HMGCLL1: variants seen among roughly 807,000 people sequenced by gnomAD.
The protein encoded by HMGCLL1 is 3-hydroxy-3-methylglutaryl-CoA lyase like 1, also known as 3-hydroxymethyl-3-methylglutaryl-CoA lyase, cytoplasmic.
Under a neutral mutation model 39.1 loss-of-function variants are expected in HMGCLL1, and 36 were observed. The observed-to-expected ratio is 0.92, with a 90% confidence interval of 0.71 to 1.22. The LOEUF is 1.22. Among genes scored for constraint, HMGCLL1 ranks in the 50% most tolerant of loss-of-function variants. The pLI is 0.00. For missense variants in HMGCLL1, 451 were observed against 416.5 expected, an observed-to-expected ratio of 1.08 and a Z score of -0.72; for synonymous variants, 149 against 144.0, an observed-to-expected ratio of 1.03 and a Z score of -0.25.
the HMGCLL1 span, among the ~76,000 whole-genome samples, chr6:55,626,470 G>A: frequency 1.3e-5 from 2 of 152,048 alleles, no homozygotes; most frequent in African/African-American, 4.8e-5. Flanking sequence ...CAATTATAAT[G>A]CCAACTAGGT....
the HMGCLL1 span, among the ~76,000 whole-genome samples, chr6:55,586,880 G>C: frequency 6.6e-6 from 1 of 152,044 alleles, no homozygotes; most frequent in Non-Finnish European, 1.5e-5. Context: ...CTTTATAGCA[G>C]CATGATTTAT....
the HMGCLL1 span, among the ~76,000 whole-genome samples, chr6:55,655,536 G>GTAGATAGA: frequency 0.59 from 86,591 of 147,428 alleles, 25,621 homozygotes; most frequent in Middle Eastern, 0.64. Flanking sequence ...AGTTATATTG[G>GTAGATAGA]TAGATAGATA....
Position 55,545,675 on chromosome 6 carries a change from A to T in HMGCLL1, c.109-3535T>A, listed in dbSNP as rs551770681. 8.7e-4 allele frequency among the ~76,000 whole-genome samples: 133 copies of T among 152,234 alleles called. 1 individual carries two copies. The highest frequency in any genetic ancestry group is 1.5e-5 in the Non-Finnish European group (1 of 68,002). ...AGCATGTACTGGGGAATATCTGGGG[A>T]GAAATATGTTCTGGTGGGGAGATAA... On this transcript the variant is annotated intron_variant, in intron 1 of 8. Transcript: ENST00000274901.
Position 55,541,794 on chromosome 6 carries a change from G to C in HMGCLL1, c.232C>G (p.Leu78Val), listed in dbSNP as rs1485100590. The change falls in exon 3 of 9, where the codon CTT (leucine) becomes GTT (valine). Residue 78 changes from leucine to valine, a missense_variant. Physicochemically the swap from Leu to Val is conservative, Grantham distance 32 (BLOSUM62 1). Transcript: ENST00000274901. ...ATTACAGACAAGCCAGTTTGGGAAA[G>C]TCGATTGATAAATTCAATTTTTATA... ...TDIKIEFINR[L>V]SQTGLSVIEV... is the part of the protein sequence containing the mutation. 1 of 1,608,942 alleles carries C rather than the reference G, an allele frequency of 6.2e-7. No individual in the cohort carries two copies. Among genetic ancestry groups the C allele is most frequent in the Admixed American group, 1.7e-5 (1 of 59,486 alleles).
chr6:55,502,665 T>C (rs1259078596), intron 5 of HMGCLL1, among the ~76,000 whole-genome samples: 1 of 151,580 alleles, frequency 6.6e-6, no homozygotes, highest in Non-Finnish European at 1.5e-5. Flanking sequence ...CATTTAGAGA[T>C]AATGTTTCAT....
chr6:55,575,730 C>T, intron 1 of HMGCLL1, among the ~76,000 whole-genome samples: 1 of 151,998 alleles, frequency 6.6e-6, no homozygotes, highest in East Asian at 1.9e-4. Flanking sequence ...CTCATCTCTC[C>T]ATTAAACTAC....
chr6:55,631,386 C>G, the HMGCLL1 span, among the ~76,000 whole-genome samples: 1 of 152,006 alleles, frequency 6.6e-6, no homozygotes, highest in South Asian at 2.1e-4. Flanking sequence ...GTTCAGCCAT[C>G]TTCTATAAGG....
chr6:55,468,404 A>T (rs1305359083), intron 7 of HMGCLL1, among the ~76,000 whole-genome samples: 2 of 152,022 alleles, frequency 1.3e-5, no homozygotes, highest in Non-Finnish European at 2.9e-5. Flanking sequence ...TGAGGAATAA[A>T]AGAATGCTGT....
chr6:55,483,565 G>A (rs2127414926), intron 7 of HMGCLL1, among the ~76,000 whole-genome samples: 1 of 152,180 alleles, frequency 6.6e-6, no homozygotes, highest in Admixed American at 6.5e-5. Context: ...ACCCAGCCAA[G>A]AAGGATTTTA....
intron 7 of HMGCLL1, among the ~76,000 whole-genome samples, chr6:55,470,223 T>C (rs555038620): frequency 1.3e-5 from 2 of 152,068 alleles, no homozygotes; most frequent in East Asian, 1.9e-4. Flanking sequence ...ATAATTGTTG[T>C]TTGTGTTGGC....
intron 4 of HMGCLL1, 82 bp downstream of exon 4, chr6:55,516,426 A>G (rs1320905176): frequency 3.5e-6 from 3 of 846,558 alleles, no homozygotes; most frequent in Non-Finnish European, 1.9e-6. Context: ...GATGAGTTAC[A>G]TATGACACAA....
chr6:55,655,566 A>AGATAGATAGATAGATAGAT, the HMGCLL1 span, among the ~76,000 whole-genome samples: 1 of 151,900 alleles, frequency 6.6e-6, no homozygotes, highest in African/African-American at 2.4e-5. Context: ...ATAGATAGAT[A>AGATAGATAGATAGATAGAT]GATAGATAGA....
At chr6:55,654,746 T>C in the HMGCLL1 span, among the ~76,000 whole-genome samples, 1 of 151,918 alleles carries the variant, frequency 6.6e-6, no homozygotes, top group Non-Finnish European at 1.5e-5. Context: ...ATATTGGTCA[T>C]CACAACTCCT....
chr6:55,577,447 A>G (rs1049364598), intron 1 of HMGCLL1, among the ~76,000 whole-genome samples: 5 of 152,154 alleles, frequency 3.3e-5, no homozygotes, highest in African/African-American at 1.2e-4. Context: ...AAGGGCTATT[A>G]TATCTTCAGA....
the HMGCLL1 span, among the ~76,000 whole-genome samples, chr6:55,651,029 A>G: frequency 6.6e-6 from 1 of 152,052 alleles, no homozygotes; most frequent in Non-Finnish European, 1.5e-5. Context: ...TTGTTGGTCT[A>G]TCCTGCTGTG....
At chr6:55,535,986 G>A (rs546116514) in intron 3 of HMGCLL1, among the ~76,000 whole-genome samples, 16 of 152,164 alleles carry the variant, frequency 1.1e-4, no homozygotes, top group Middle Eastern at 6.8e-3. Flanking sequence ...GACTGGACTT[G>A]GTAGCAGAAG....
At chr6:55,601,919 G>A in the HMGCLL1 span, among the ~76,000 whole-genome samples, 29 of 151,810 alleles carry the variant, frequency 1.9e-4, no homozygotes, top group Admixed American at 5.9e-4. Flanking sequence ...ACTTTTCTAC[G>A]CACTTGTTTT....
At chr6:55,589,252 A>G in the HMGCLL1 span, among the ~76,000 whole-genome samples, 1 of 152,214 alleles carries the variant, frequency 6.6e-6, no homozygotes, top group Non-Finnish European at 1.5e-5. Context: ...GGTTCAACAT[A>G]CACAAATCAA....
the HMGCLL1 span, among the ~76,000 whole-genome samples, chr6:55,636,598 C>A: frequency 6.6e-6 from 1 of 152,148 alleles, no homozygotes; most frequent in Non-Finnish European, 1.5e-5. Flanking sequence ...AAGCAATGAG[C>A]TGTTGCCTGT....
Sources: gnomAD v4.1 joint callset for allele counts (sites outside exome capture counted in the v4.1 genomes callset) on GRCh38, gnomAD v4.1.1 for gene constraint, MANE v1.5 for transcripts, NCBI Gene and HGNC (gene_info 2026-07-23, HGNC 2026-07-21) for gene names.